Variants in KIAA1217 observed in about 807,000 individuals in gnomAD.
KIAA1217 encodes the protein KIAA1217.
A neutral mutation model predicts 163.9 loss-of-function variants in KIAA1217; 88 were observed. The ratio of observed to expected loss-of-function variants is 0.54; its 90% CI spans 0.45 to 0.64. KIAA1217 has a LOEUF of 0.64. Ranked by LOEUF, KIAA1217 falls within the 30% of genes least tolerant of loss-of-function variation. The pLI is 0.00. For missense variants in KIAA1217, 2,372 were observed against 2,475.0 expected (o/e 0.96, Z 0.88); for synonymous variants, 903 against 923.1 (o/e 0.98, Z 0.39).
chr10:23,778,955 CTATT>C (rs67122610), intron 1 of KIAA1217, among the ~76,000 whole-genome samples: 27,518 of 152,006 alleles, frequency 0.18, 2,609 homozygotes, highest in Middle Eastern at 0.27. Context: ...GACTATACAA[CTATT>C]TATTTATTCA....
chr10:24,501,226 AC>A lies in KIAA1217; in HGVS notation c.1835-151del, dbSNP rs757408819. Among the ~76,000 whole-genome samples the A allele has an allele frequency of 1.5e-4, 23 of 152,190 alleles. No individual in the cohort carries two copies. In the East Asian group the frequency reaches 3.7e-3, roughly 24 times the overall value. ...AGAATGTGATCATTGCACACTGCAT[AC>A]CATAACACTGTGTGATTCATATATA... is the stretch of plus-strand genomic sequence containing the variant. On this transcript the variant is annotated intron_variant, in intron 8 of 20. Transcript: ENST00000376454.
intron 2 of KIAA1217, among the ~76,000 whole-genome samples, chr10:24,123,470 T>G (rs766246511): frequency 2.0e-5 from 3 of 152,184 alleles, no homozygotes; most frequent in Non-Finnish European, 2.9e-5. Context: ...TGTACACGTC[T>G]TTTATGTATG....
intron 2 of KIAA1217, among the ~76,000 whole-genome samples, chr10:24,363,818 C>T (rs1442014415): frequency 6.6e-6 from 1 of 152,034 alleles, no homozygotes; most frequent in Non-Finnish European, 1.5e-5. Context: ...GCACTCAGCC[C>T]ACCTTAGCCT....
chr10:24,355,994 G>T (rs886579369), intron 2 of KIAA1217, among the ~76,000 whole-genome samples: 1 of 151,598 alleles, frequency 6.6e-6, no homozygotes, highest in Non-Finnish European at 1.5e-5. Context: ...TGATCCACCC[G>T]CCTCGGCCTC....
intron 9 of KIAA1217, among the ~76,000 whole-genome samples, chr10:24,510,408 T>C (rs1426063420): frequency 6.6e-6 from 1 of 152,206 alleles, no homozygotes; most frequent in Non-Finnish European, 1.5e-5. Flanking sequence ...CTGTGCCCCA[T>C]AGCTCATGGC....
intron 2 of KIAA1217, among the ~76,000 whole-genome samples, chr10:24,262,544 G>A (rs906357393): frequency 7.2e-5 from 11 of 151,726 alleles, no homozygotes; most frequent in African/African-American, 2.4e-4. Flanking sequence ...GGAGAATGGC[G>A]TGAACCCAGG....
intron 3 of KIAA1217, among the ~76,000 whole-genome samples, chr10:24,408,328 C>T (rs571745867): frequency 2.8e-4 from 42 of 152,228 alleles, no homozygotes; most frequent in South Asian, 2.5e-3. Flanking sequence ...ACCCACCCTC[C>T]GAATGTATAT....
At chr10:23,708,932 A>G (rs552263606) in intron 1 of KIAA1217, among the ~76,000 whole-genome samples, 1 of 152,204 alleles carries the variant, frequency 6.6e-6, no homozygotes, top group South Asian at 2.1e-4. Flanking sequence ...GATTGCCAGG[A>G]CTTCCACATC....
At chr10:23,706,748 T>C (rs1430044690) in intron 1 of KIAA1217, among the ~76,000 whole-genome samples, 1 of 152,156 alleles carries the variant, frequency 6.6e-6, no homozygotes, top group Non-Finnish European at 1.5e-5. Context: ...AGTGTCAGGA[T>C]AAAAGTGACT....
intron 15 of KIAA1217, 127 bp downstream of exon 15, chr10:24,532,120 C>A: frequency 1.3e-6 from 1 of 783,824 alleles, no homozygotes; most frequent in Non-Finnish European, 1.8e-6. Context: ...ACAAGATCCC[C>A]AGGAAGCACC....
intron 5 of KIAA1217, among the ~76,000 whole-genome samples, chr10:24,465,520 G>A (rs999637488): frequency 2.0e-5 from 3 of 152,210 alleles, no homozygotes; most frequent in Non-Finnish European, 4.4e-5. Flanking sequence ...TGGGTGTGGC[G>A]TGAAGCCAGT....
chr10:24,431,668 C>G (rs191401126), intron 3 of KIAA1217, among the ~76,000 whole-genome samples: 86 of 152,312 alleles, frequency 5.6e-4, no homozygotes, highest in African/African-American at 1.9e-3. Context: ...ACCAAGAGGA[C>G]AAACTCCAGG....
chr10:24,321,181 T>C (rs1466169709), intron 2 of KIAA1217, among the ~76,000 whole-genome samples: 1 of 152,076 alleles, frequency 6.6e-6, no homozygotes, highest in Non-Finnish European at 1.5e-5. Context: ...CCCAAAATAA[T>C]TGAAAGCAGG....
chr10:24,529,281 T>A (rs1331115904), intron 14 of KIAA1217, among the ~76,000 whole-genome samples: 1 of 152,150 alleles, frequency 6.6e-6, no homozygotes, highest in African/African-American at 2.4e-5. Context: ...GGTATTTGCA[T>A]GTAACCTACT....
chr10:23,855,702 TG>T (rs1468614704), intron 1 of KIAA1217, among the ~76,000 whole-genome samples: 1 of 152,196 alleles, frequency 6.6e-6, no homozygotes, highest in Non-Finnish European at 1.5e-5. Flanking sequence ...TTGGAGGCTT[TG>T]TTTGTTTCTT....
At chr10:23,704,793 T>C (rs1836776567) in intron 1 of KIAA1217, among the ~76,000 whole-genome samples, 1 of 152,170 alleles carries the variant, frequency 6.6e-6, no homozygotes, top group Non-Finnish European at 1.5e-5. Context: ...TTTATGGGTA[T>C]ATGTCTGTAT....
At chr10:24,195,684 T>C (rs1375189058) in intron 2 of KIAA1217, among the ~76,000 whole-genome samples, 1 of 152,172 alleles carries the variant, frequency 6.6e-6, no homozygotes, top group Non-Finnish European at 1.5e-5. Flanking sequence ...TTGTTTTTAA[T>C]CCGCCAGGAA....
chr10:24,512,516 T>C (rs948002545), intron 9 of KIAA1217, among the ~76,000 whole-genome samples: 3 of 152,156 alleles, frequency 2.0e-5, no homozygotes, highest in African/African-American at 7.2e-5. Context: ...ACAAGAATGT[T>C]CTCGGAACTG....
intron 3 of KIAA1217, among the ~76,000 whole-genome samples, chr10:24,424,498 G>A (rs1053699881): frequency 6.6e-6 from 1 of 152,324 alleles, no homozygotes; most frequent in East Asian, 1.9e-4. Context: ...GCACAAGATG[G>A]GAACTTGTCT....
Sources: allele counts gnomAD v4.1 joint callset (sites outside exome capture counted in the v4.1 genomes callset), GRCh38; gene constraint gnomAD v4.1.1; transcripts MANE v1.5; gene names NCBI Gene and HGNC (gene_info 2026-07-23, HGNC 2026-07-21).